DNER: variants seen among roughly 807,000 people sequenced by gnomAD.
DNER encodes delta and Notch-like epidermal growth factor-related receptor.
DNER carries 33 observed loss-of-function variants against 78.2 expected under a neutral mutation model. The observed-to-expected ratio is 0.42, with a 90% CI of 0.32 to 0.56. The LOEUF is 0.56. DNER is among the 20% of genes least tolerant of loss of function. DNER has a pLI of 0.11. For missense variants in DNER, 918 were observed against 975.3 expected, an observed-to-expected ratio of 0.94 and a Z score of 0.78; for synonymous variants, 417 against 384.8, an observed-to-expected ratio of 1.08 and a Z score of -0.98.
At chr2:229,592,666 G>C (rs981594224) in intron 1 of DNER, among the ~76,000 whole-genome samples, 2 of 150,438 alleles carry the variant, frequency 1.3e-5, no homozygotes, top group Admixed American at 6.6e-5. Context: ...GAATGGCCAT[G>C]TGTTGGTAGT....
chr2:229,607,081 C>T (rs1697955065), intron 1 of DNER, among the ~76,000 whole-genome samples: 1 of 152,180 alleles, frequency 6.6e-6, no homozygotes, highest in South Asian at 2.1e-4. Flanking sequence ...CCACCATCAG[C>T]ACTTGGAACT....
In DNER at chr2:229,588,406, T is replaced by C. The variant is rs762678520; in HGVS notation, c.668A>G (p.Asn223Ser). The change falls in exon 3 of 13, where the codon AAC becomes AGC. Residue 223 changes from asparagine (N) to serine (S), a missense_variant. Coordinates refer to ENST00000341772, the MANE Select transcript of DNER (RefSeq NM_139072.4). ...GRLVSFEVPQ[N>S]TSVKIRQDAT... The stretch of plus-strand genomic sequence containing the variant: ...AGAATTTTCTTACTTGACTGAGGTG[T>C]TCTGTGGCACTTCAAAGGATACCAG... 2.7e-5 allele frequency: 44 copies of C among 1,613,942 alleles called. No individual in the cohort carries two copies. In the Admixed American group the frequency reaches 7.0e-4, roughly 26 times the overall value.
chr2:229,509,233 T>A (rs1695813312), intron 6 of DNER, among the ~76,000 whole-genome samples: 1 of 152,142 alleles, frequency 6.6e-6, no homozygotes, highest in Admixed American at 6.5e-5. Context: ...CAAACTGAAA[T>A]CATGTCAGTC....
At position 229,591,558 on chromosome 2, in the gene DNER, G is replaced by C. The variant is rs931129865; in HGVS notation, c.585+22C>G. On this transcript the variant is annotated intron_variant, in intron 2 of 12. Transcript: ENST00000341772. This position sits in a 1 kb window ranked among gnomAD's most constrained non-coding sequence, Gnocchi z 4.6. ...GATTTCTGGTTTCTAATGTAAAAAT[G>C]CACATGATATAACGTTCTCACCTCC... 6 of 1,589,416 alleles carry C rather than the reference G, an allele frequency of 3.8e-6. No homozygotes were observed. The Admixed American group carries it at 1.1e-4, about 28-fold the overall frequency.
At chr2:229,373,887 A>G (rs1021050221) in intron 11 of DNER, among the ~76,000 whole-genome samples, 4 of 152,214 alleles carry the variant, frequency 2.6e-5, no homozygotes, top group African/African-American at 9.6e-5. Context: ...GGAGCTGGCC[A>G]GGCACGGTGG....
intron 1 of DNER, among the ~76,000 whole-genome samples, chr2:229,594,651 C>G (rs13396675): frequency 0.8 from 121,290 of 151,730 alleles, 50,476 homozygotes; most frequent in Non-Finnish European, 0.92. Flanking sequence ...TGACCTCTCA[C>G]AGCTACTATA....
At chr2:229,452,619 AT>A (rs1196812467) in intron 7 of DNER, among the ~76,000 whole-genome samples, 6 of 151,800 alleles carry the variant, frequency 4.0e-5, no homozygotes, top group Admixed American at 1.3e-4. Flanking sequence ...TTTTATTATT[AT>A]TTTATTTATT....
chr2:229,466,624 G>C (rs563076354), intron 7 of DNER, among the ~76,000 whole-genome samples: 61 of 152,164 alleles, frequency 4.0e-4, no homozygotes, highest in Admixed American at 2.6e-3. Context: ...CATATGTCTC[G>C]CTCACTGCTG....
chr2:229,616,219 G>A (rs148768297), intron 1 of DNER, among the ~76,000 whole-genome samples: 61 of 152,276 alleles, frequency 4.0e-4, no homozygotes, highest in Admixed American at 1.3e-3. Context: ...GGACCACCAC[G>A]GGCTATGGGG....
chr2:229,697,657 G>A (rs557787961), intron 1 of DNER, among the ~76,000 whole-genome samples: 1 of 152,218 alleles, frequency 6.6e-6, no homozygotes, highest in East Asian at 1.9e-4. Flanking sequence ...TTCCTTTCTA[G>A]TCTAATGGAC....
chr2:229,511,542 C>A (rs921189089), intron 6 of DNER, among the ~76,000 whole-genome samples: 7 of 152,140 alleles, frequency 4.6e-5, no homozygotes, highest in Admixed American at 3.3e-4. Context: ...CCACACTAAC[C>A]AAGAAATGTT....
chr2:229,711,481 A>G lies in DNER; in HGVS notation c.276+2667T>C, dbSNP rs116489534. On this transcript the variant is annotated intron_variant, in intron 1 of 12. Transcript: ENST00000341772. ...TCAGGTGACAAAAGAAGCATGTCCT[A>G]GACCCCATTGACTTACGCAAACTCA... 9.2e-3 allele frequency among the ~76,000 whole-genome samples: 1,408 copies of G among 152,266 alleles called. 24 individuals carry two copies. The highest frequency in any genetic ancestry group is 0.032 in the African/African-American group (1,337 of 41,554).
intron 5 of DNER, among the ~76,000 whole-genome samples, chr2:229,528,405 G>T (rs1696244615): frequency 1.3e-5 from 2 of 152,158 alleles, no homozygotes; most frequent in African/African-American, 2.4e-5. Context: ...ACTTCCATTA[G>T]AAATTTTTCC....
At chr2:229,497,972 C>A (rs1480484791) in intron 6 of DNER, among the ~76,000 whole-genome samples, 1 of 129,798 alleles carries the variant, frequency 7.7e-6, no homozygotes. Context: ...CAGACAAGGA[C>A]ACTATGACAA....
intron 1 of DNER, among the ~76,000 whole-genome samples, chr2:229,708,461 T>A (rs968286850): frequency 2.0e-5 from 3 of 152,176 alleles, no homozygotes; most frequent in Non-Finnish European, 2.9e-5. Flanking sequence ...GGGGTAAATA[T>A]AAAGAAATTC....
chr2:229,513,475 A>C (rs1176737637), intron 5 of DNER, among the ~76,000 whole-genome samples: 1 of 152,236 alleles, frequency 6.6e-6, no homozygotes, highest in African/African-American at 2.4e-5. Flanking sequence ...AAGGAGTATA[A>C]TTCAAGTAAC....
chr2:229,599,596 A>G (rs1433662045), intron 1 of DNER, among the ~76,000 whole-genome samples: 1 of 152,202 alleles, frequency 6.6e-6, no homozygotes, highest in African/African-American at 2.4e-5. Context: ...GATTGAGACC[A>G]CTGCCTTAAG....
intron 4 of DNER, among the ~76,000 whole-genome samples, chr2:229,565,766 G>A (rs1697094006): frequency 6.6e-6 from 1 of 152,058 alleles, no homozygotes; most frequent in Admixed American, 6.6e-5. Flanking sequence ...AATACCCATT[G>A]GTAGAACATG....
At chr2:229,664,599 A>C (rs1699059105) in intron 1 of DNER, among the ~76,000 whole-genome samples, 1 of 152,204 alleles carries the variant, frequency 6.6e-6, no homozygotes, top group South Asian at 2.1e-4. Context: ...AATGCAGATA[A>C]CTGACCAAAG....
Sources: allele counts gnomAD v4.1 joint callset (sites outside exome capture counted in the v4.1 genomes callset), GRCh38; gene constraint gnomAD v4.1.1; non-coding constraint Gnocchi (gnomAD v3.1); transcripts MANE v1.5; gene names NCBI Gene and HGNC (gene_info 2026-07-23, HGNC 2026-07-21).